The following RGS7 variants were observed in gnomAD, a reference collection of about 807,000 sequenced individuals.
The protein encoded by RGS7 is regulator of G-protein signaling 7.
In RGS7, 27 loss-of-function variants were observed where a neutral mutation model predicts 81.1. The observed-to-expected ratio is 0.33, with a 90% CI of 0.25 to 0.46. The LOEUF is 0.46. Among genes scored for constraint, RGS7 ranks in the 20% least tolerant of loss-of-function variants. RGS7 has a pLI of 1.00. For missense variants in RGS7, 396 were observed against 607.4 expected (o/e 0.65, Z 3.66); for synonymous variants, 208 against 207.7 (o/e 1.00, Z -0.01).
rs75470235 is a variant in RGS7 at position 241,307,491 on chromosome 1, G to A, written c.78+48208C>T. Among the ~76,000 whole-genome samples, 187 of 152,194 alleles carry A rather than the reference G, an allele frequency of 1.2e-3. 3 individuals carry two copies. Among genetic ancestry groups the A allele is most frequent in the African/African-American group, 4.0e-3 (167 of 41,536 alleles). Reference sequence around the variant, plus strand: ...AAATCTATTTATTAATTCACTGAGCGATCTCAACAAACTGTTAAAAAAGCT... The same window carrying A: ...AAATCTATTTATTAATTCACTGAGCAATCTCAACAAACTGTTAAAAAAGCT... On this transcript the variant is annotated intron_variant, in intron 2 of 18. Transcript: ENST00000440928.
At chr1:240,810,568 T>C (rs946901319) in intron 14 of RGS7, among the ~76,000 whole-genome samples, 7 of 150,158 alleles carry the variant, frequency 4.7e-5, no homozygotes, top group African/African-American at 1.7e-4. Context: ...TTCCTCAGCC[T>C]CCCCAGTAGC....
intron 9 of RGS7, among the ~76,000 whole-genome samples, chr1:240,863,456 C>T (rs1239058777): frequency 6.6e-6 from 1 of 152,074 alleles, no homozygotes; most frequent in Non-Finnish European, 1.5e-5. Context: ...GCCTGGGCGA[C>T]AACGTGAGAT....
intron 18 of RGS7, among the ~76,000 whole-genome samples, chr1:240,782,014 CA>C (rs113027458): frequency 9.6e-4 from 124 of 128,728 alleles, no homozygotes; most frequent in Admixed American, 1.4e-3. Context: ...GACTCCGTCT[CA>C]AAAAAAAAAA....
intron 10 of RGS7, 143 bp downstream of exon 10, chr1:240,826,955 A>T: frequency 1.3e-6 from 1 of 740,864 alleles, no homozygotes. Context: ...GGGTGGGGCT[A>T]TTCTTGAGGA....
At chr1:240,993,894 G>C (rs1686893494) in intron 3 of RGS7, among the ~76,000 whole-genome samples, 1 of 152,040 alleles carries the variant, frequency 6.6e-6, no homozygotes, top group Admixed American at 6.5e-5. Context: ...TTTTGCCCGT[G>C]AATGTCCAAT....
chr1:241,015,528 A>G (rs1342077776), intron 3 of RGS7, among the ~76,000 whole-genome samples: 3 of 152,228 alleles, frequency 2.0e-5, no homozygotes, highest in Admixed American at 6.5e-5. Context: ...TTATAAACAA[A>G]GTACATACTA....
At chr1:241,349,822 T>C (rs779128328) in intron 2 of RGS7, among the ~76,000 whole-genome samples, 8 of 152,190 alleles carry the variant, frequency 5.3e-5, no homozygotes, top group Non-Finnish European at 1.2e-4. Context: ...CAAAGAGACT[T>C]AACATTAAAG....
intron 2 of RGS7, among the ~76,000 whole-genome samples, chr1:241,237,665 A>G (rs2076051314): frequency 6.6e-6 from 1 of 152,224 alleles, no homozygotes; most frequent in Non-Finnish European, 1.5e-5. Flanking sequence ...GTTGAGAAAC[A>G]CACCCTTCAC....
At chr1:241,270,374 A>T (rs1451176140) in intron 2 of RGS7, among the ~76,000 whole-genome samples, 1 of 152,116 alleles carries the variant, frequency 6.6e-6, no homozygotes, top group Non-Finnish European at 1.5e-5. Flanking sequence ...CATTCCTTCC[A>T]TTTACCTTGG....
At chr1:241,308,634 T>G (rs2080316714) in intron 2 of RGS7, among the ~76,000 whole-genome samples, 1 of 152,190 alleles carries the variant, frequency 6.6e-6, no homozygotes, top group African/African-American at 2.4e-5. Flanking sequence ...TGGATACAAG[T>G]GCTCTTAATC....
intron 2 of RGS7, among the ~76,000 whole-genome samples, chr1:241,259,860 T>A (rs1347520820): frequency 6.6e-6 from 1 of 151,692 alleles, no homozygotes. Context: ...TGGCACAGTT[T>A]AAAATTATAA....
intron 2 of RGS7, among the ~76,000 whole-genome samples, chr1:241,337,387 A>G (rs1431792074): frequency 1.3e-5 from 2 of 152,114 alleles, no homozygotes; most frequent in African/African-American, 4.8e-5. Flanking sequence ...TTGCTGTAGC[A>G]AGAATTAGAC....
intron 6 of RGS7, among the ~76,000 whole-genome samples, chr1:240,904,364 G>A (rs1572689318): frequency 6.6e-6 from 1 of 152,098 alleles, no homozygotes; most frequent in African/African-American, 2.4e-5. Flanking sequence ...ATGTGTAATA[G>A]CTCATCTTCA....
intron 2 of RGS7, among the ~76,000 whole-genome samples, chr1:241,221,812 T>A (rs982554815): frequency 6.6e-6 from 1 of 152,248 alleles, no homozygotes. Context: ...TCCAAAGTTC[T>A]GGCCTATTCT....
At chr1:240,948,863 T>G (rs751851890) in intron 4 of RGS7, among the ~76,000 whole-genome samples, 2 of 150,310 alleles carry the variant, frequency 1.3e-5, no homozygotes, top group Admixed American at 6.6e-5. Flanking sequence ...TATATATAAT[T>G]TAAATTCTCA....
chr1:240,909,844 G>A (rs778909077), intron 6 of RGS7, among the ~76,000 whole-genome samples: 1 of 152,124 alleles, frequency 6.6e-6, no homozygotes, highest in African/African-American at 2.4e-5. Flanking sequence ...ACTTGAAGTC[G>A]GGATGCACAG....
chr1:240,837,483 T>G (rs1694914845), intron 9 of RGS7, among the ~76,000 whole-genome samples: 1 of 152,226 alleles, frequency 6.6e-6, no homozygotes, highest in African/African-American at 2.4e-5. Context: ...TGAACTGGCA[T>G]TTTGATTTGC....
chr1:240,930,652 CG>C, intron 6 of RGS7, 64 bp downstream of exon 6: 1 of 1,434,992 alleles, frequency 7.0e-7, no homozygotes, highest in African/African-American at 1.4e-5. Flanking sequence ...AGCAATAAAA[CG>C]CAAGTACACA....
intron 18 of RGS7, among the ~76,000 whole-genome samples, chr1:240,777,553 T>C (rs1683185396): frequency 6.6e-6 from 1 of 152,346 alleles, no homozygotes; most frequent in South Asian, 2.1e-4. Context: ...TCATCACTCA[T>C]GGCCATTGCC....
Sources: gnomAD v4.1 joint callset for allele counts (sites outside exome capture counted in the v4.1 genomes callset) on GRCh38, gnomAD v4.1.1 for gene constraint, MANE v1.5 for transcripts, NCBI Gene and HGNC (gene_info 2026-07-23, HGNC 2026-07-21) for gene names.